Variants in PPARGC1B observed in about 807,000 individuals in gnomAD.
The protein encoded by PPARGC1B is peroxisome proliferator-activated receptor gamma coactivator 1-beta.
In PPARGC1B, 34 loss-of-function variants were observed where a neutral mutation model predicts 101.6. That is an observed-to-expected ratio of 0.33 (90% CI 0.25 to 0.45). The LOEUF (loss-of-function observed/expected upper bound fraction) is 0.45. Ranked by LOEUF, PPARGC1B falls within the 20% of genes least tolerant of loss-of-function variation. The probability of loss-of-function intolerance (pLI) is 1.00; values close to 1 mark genes in which losing one functional copy is unlikely to be tolerated. For synonymous variants in PPARGC1B, 548 were observed against 539.3 expected (o/e 1.02, Z -0.22); for missense variants, 1,234 against 1,317.6 (o/e 0.94, Z 0.98).
intron 1 of PPARGC1B, chr5:149,818,925 C>T (rs1454006325): frequency 4.4e-6 from 2 of 454,910 alleles, no homozygotes; most frequent in East Asian, 1.4e-4. Context: ...GAATGGGGAT[C>T]TCAACTCACT....
chr5:149,744,247 C>T (rs2113096685), intron 1 of PPARGC1B, among the ~76,000 whole-genome samples: 1 of 152,306 alleles, frequency 6.6e-6, no homozygotes, highest in Non-Finnish European at 1.5e-5. Context: ...TCTTAGTTTG[C>T]ACATGGTTCT....
intron 1 of PPARGC1B, among the ~76,000 whole-genome samples, chr5:149,736,202 C>T (rs1754704341): frequency 6.6e-6 from 1 of 152,130 alleles, no homozygotes; most frequent in Admixed American, 6.6e-5. Context: ...GCCTGTTTTT[C>T]AATCCTTGAA....
chr5:149,841,738 G>A (rs1406357084), intron 9 of PPARGC1B, among the ~76,000 whole-genome samples: 3 of 152,186 alleles, frequency 2.0e-5, no homozygotes, highest in African/African-American at 7.2e-5. Context: ...GCACCCACTG[G>A]CATAGCATGG....
At chr5:149,779,896 G>A (rs1756531509) in intron 1 of PPARGC1B, among the ~76,000 whole-genome samples, 1 of 152,140 alleles carries the variant, frequency 6.6e-6, no homozygotes, top group African/African-American at 2.4e-5. Context: ...AGTAGATGGA[G>A]CCCCTTCCCA....
At position 149,739,825 on chromosome 5, in the gene PPARGC1B, G is replaced by C. The variant is rs571216869; in HGVS notation, c.78+9405G>C. Among the ~76,000 whole-genome samples, 8 of 152,308 alleles carry C rather than the reference G, an allele frequency of 5.3e-5. No individual in the cohort carries two copies. In the East Asian group the frequency reaches 5.8e-4, roughly 11 times the overall value. On this transcript the variant is annotated intron_variant, in intron 1 of 11. Coordinates refer to ENST00000309241, the MANE Select transcript of PPARGC1B (RefSeq NM_133263.4). ...CTGACCACGAGTTCTCTCATGAGATGCTCAGGACTACCCAGTGAGGGAGAG... is the reference window on the plus strand; with the variant it reads ...CTGACCACGAGTTCTCTCATGAGATCCTCAGGACTACCCAGTGAGGGAGAG...
chr5:149,795,767 G>C (rs1194055427), intron 1 of PPARGC1B, among the ~76,000 whole-genome samples: 3 of 150,992 alleles, frequency 2.0e-5, no homozygotes, highest in African/African-American at 7.3e-5. Flanking sequence ...CATGTCTGCT[G>C]TTTGGGGATG....
intron 1 of PPARGC1B, among the ~76,000 whole-genome samples, chr5:149,733,976 T>C (rs1754593841): frequency 1.3e-5 from 2 of 152,170 alleles, no homozygotes; most frequent in African/African-American, 4.8e-5. Context: ...TTAATTGTCA[T>C]GTATATTCCA....
chr5:149,827,720 C>T (rs977948076), intron 3 of PPARGC1B, among the ~76,000 whole-genome samples: 2 of 152,180 alleles, frequency 1.3e-5, no homozygotes, highest in South Asian at 2.1e-4. Context: ...GCGGTGTGAG[C>T]GTGTGCGGAA....
intron 1 of PPARGC1B, among the ~76,000 whole-genome samples, chr5:149,786,393 G>C (rs562879741): frequency 2.6e-5 from 4 of 152,164 alleles, no homozygotes; most frequent in African/African-American, 9.6e-5. Flanking sequence ...ACCGCACCCA[G>C]CCAGATTTTT....
At chr5:149,794,887 A>G (rs1053167495) in intron 1 of PPARGC1B, among the ~76,000 whole-genome samples, 7 of 152,114 alleles carry the variant, frequency 4.6e-5, no homozygotes, top group Non-Finnish European at 7.4e-5. Flanking sequence ...CTAGCTCTCC[A>G]CTGGGGTCTG....
At chr5:149,780,299 C>G (rs62382307) in intron 1 of PPARGC1B, among the ~76,000 whole-genome samples, 17,318 of 152,296 alleles carry the variant, frequency 0.11, 1,313 homozygotes, top group Admixed American at 0.23. Context: ...GTCACCAGCT[C>G]TCAGTGTGTG....
chr5:149,797,499 C>T (rs1343224122), intron 1 of PPARGC1B, among the ~76,000 whole-genome samples: 1 of 152,228 alleles, frequency 6.6e-6, no homozygotes, highest in African/African-American at 2.4e-5. Context: ...AATTATTAGG[C>T]ATGCCACTAG....
At chr5:149,746,511 C>A (rs1755100404) in intron 1 of PPARGC1B, among the ~76,000 whole-genome samples, 1 of 152,134 alleles carries the variant, frequency 6.6e-6, no homozygotes, top group Non-Finnish European at 1.5e-5. Context: ...TAGTGAATAC[C>A]TGGGTTGCTT....
intron 1 of PPARGC1B, among the ~76,000 whole-genome samples, chr5:149,806,727 C>G (rs912889202): frequency 2.6e-5 from 4 of 151,910 alleles, no homozygotes; most frequent in Non-Finnish European, 5.9e-5. Flanking sequence ...CCCGCCTCAG[C>G]CTCTCGAGTA....
chr5:149,763,437 C>G (rs1456286262), intron 1 of PPARGC1B, among the ~76,000 whole-genome samples: 3 of 151,540 alleles, frequency 2.0e-5, no homozygotes, highest in Non-Finnish European at 2.9e-5. Flanking sequence ...TCTGTGAGCT[C>G]TGTCCTGGCT....
intron 1 of PPARGC1B, among the ~76,000 whole-genome samples, chr5:149,815,637 C>A (rs1758022647): frequency 6.6e-6 from 1 of 152,178 alleles, no homozygotes; most frequent in African/African-American, 2.4e-5. Context: ...GATCTCTGCT[C>A]ACTGCAATCT....
chr5:149,847,881 C>T lies in PPARGC1B; in HGVS notation c.*323C>T, dbSNP rs529790966. The T allele has an allele frequency of 7.0e-4, 248 of 353,958 alleles. 1 individual carries two copies. The highest frequency in any genetic ancestry group is 1.0e-3 in the Non-Finnish European group (203 of 193,424). The allele number at this position is 353,958 out of a possible 1,614,324, so 21.9% of individuals were successfully genotyped here. A position where few individuals can be genotyped will look rare whatever the true frequency, so the allele number is the denominator to read the frequency against. On this transcript the variant is annotated 3_prime_UTR_variant, in exon 12 of 12. Coordinates refer to ENST00000309241, the MANE Select transcript of PPARGC1B (RefSeq NM_133263.4). ...CCTTCCTTCCCGACTGACTTCCTCT[C>T]GTAGACTTGCAGCTGTGTTCACCAT...
At chr5:149,805,646 G>T (rs1445490641) in intron 1 of PPARGC1B, among the ~76,000 whole-genome samples, 1 of 152,132 alleles carries the variant, frequency 6.6e-6, no homozygotes, top group East Asian at 1.9e-4. Context: ...TGCCATGTTG[G>T]CCAGGCTGGT....
In PPARGC1B at chr5:149,772,049, G is replaced by A. The variant is rs79119398; in HGVS notation, c.78+41629G>A. On this transcript the variant is annotated intron_variant, in intron 1 of 11. Coordinates refer to ENST00000309241, the MANE Select transcript of PPARGC1B (RefSeq NM_133263.4). ...AAGGTTTCCAACTTAGACGTGCCAG[G>A]CTGTGCACAGGTGGGGACCTCTGAG... 6,851 of 1,533,460 alleles carry A rather than the reference G, an allele frequency of 4.5e-3. 258 individuals carry two copies. In the African/African-American group the frequency reaches 0.082, roughly 18 times the overall value. 95.0% of individuals were successfully genotyped at this position (1,533,460 alleles called of 1,614,324 possible).
Sources: allele counts gnomAD v4.1 joint callset (sites outside exome capture counted in the v4.1 genomes callset), GRCh38; gene constraint gnomAD v4.1.1; transcripts MANE v1.5; gene names NCBI Gene and HGNC (gene_info 2026-07-23, HGNC 2026-07-21).